The following TTC9 variants were observed in gnomAD, a reference collection of about 807,000 sequenced individuals.
TTC9 encodes the protein tetratricopeptide repeat protein 9A.
Under a neutral mutation model 22.9 loss-of-function variants are expected in TTC9, and 13 were observed. The ratio of observed to expected loss-of-function variants is 0.57; its 90% confidence interval spans 0.37 to 0.90. The LOEUF is 0.90. Among genes scored for constraint, TTC9 ranks in the 40% least tolerant of loss-of-function variants. TTC9 has a pLI of 0.01. For missense variants in TTC9, 280 were observed against 291.8 expected, an observed-to-expected ratio of 0.96 and a Z score of 0.29; for synonymous variants, 148 against 133.2, an observed-to-expected ratio of 1.11 and a Z score of -0.77.
At chr14:70,667,011 G>C (rs1253017707) in intron 1 of TTC9, among the ~76,000 whole-genome samples, 1 of 152,174 alleles carries the variant, frequency 6.6e-6, no homozygotes, top group Admixed American at 6.5e-5. Flanking sequence ...AGATCCAGGT[G>C]CTGGTGGGTT....
Position 70,642,440 on chromosome 14 carries a change from C to T in TTC9, c.311C>T (p.Ala104Val), listed in dbSNP as rs1451169134. Residue 104 changes from alanine (A) to valine (V), a missense_variant, in exon 1 of 3, where the codon GCC (alanine) becomes GTC (valine). Ala to Val is a moderately conservative substitution (Grantham distance 64). Coordinates refer to ENST00000256367, the MANE Select transcript of TTC9 (RefSeq NM_015351.2). ...GAACGGGAGCGGGACTCGCGCCCGGCCTCCCCGGCTGGGGCCCTGAAGCCC... is the reference window on the plus strand; with the variant it reads ...GAACGGGAGCGGGACTCGCGCCCGGTCTCCCCGGCTGGGGCCCTGAAGCCC... Reference protein sequence around the residue: ...PGERERDSRPASPAGALKPGR... With the variant: ...PGERERDSRPVSPAGALKPGR... 1 of 1,564,092 alleles carries T rather than the reference C, an allele frequency of 6.4e-7. No individual in the cohort carries two copies.
At chr14:70,667,849 A>G in intron 2 of TTC9, 103 bp downstream of exon 2, 1 of 1,150,990 alleles carries the variant, frequency 8.7e-7, no homozygotes, top group Non-Finnish European at 1.2e-6. Context: ...AGGCAGGGAC[A>G]GAGATGGCAA....
rs61046584 is a variant in TTC9, at chr14:70,654,587, C to CAAAAAAA, written c.406+12081_406+12087dup. ...CCTGGGCAACAGTAAGGCTCTGTCT[C>CAAAAAAA]AAAAAAAAAAAAAAAAAAAAAAAAA... On this transcript the variant is annotated intron_variant, in intron 1 of 2. Coordinates refer to ENST00000256367, the MANE Select transcript of TTC9 (RefSeq NM_015351.2). Among the ~76,000 whole-genome samples, 40 of 57,150 alleles carry CAAAAAAA rather than the reference C, an allele frequency of 7.0e-4. 1 individual carries two copies. Among genetic ancestry groups the CAAAAAAA allele is most frequent in the African/African-American group, 2.3e-3 (28 of 12,108 alleles). The allele number at this position is 57,150 out of a possible 152,430, so 37.5% of individuals were successfully genotyped here.
At chr14:70,655,702 C>T (rs1468747136) in intron 1 of TTC9, among the ~76,000 whole-genome samples, 3 of 152,156 alleles carry the variant, frequency 2.0e-5, no homozygotes, top group Non-Finnish European at 4.4e-5. Flanking sequence ...AGGGGCCACT[C>T]GACTTCCTGT....
intron 1 of TTC9, among the ~76,000 whole-genome samples, chr14:70,658,308 C>T (rs1782903808): frequency 6.6e-6 from 1 of 152,180 alleles, no homozygotes; most frequent in Admixed American, 6.5e-5. Context: ...GCCAGTTGGG[C>T]ATAACCACTG....
chr14:70,656,006 C>A (rs1886060029), intron 1 of TTC9, among the ~76,000 whole-genome samples: 1 of 152,062 alleles, frequency 6.6e-6, no homozygotes, highest in African/African-American at 2.4e-5. Context: ...ATTTCATATA[C>A]AAAGCAGTCT....
At chr14:70,645,361 G>A (rs759245031) in intron 1 of TTC9, among the ~76,000 whole-genome samples, 5 of 152,178 alleles carry the variant, frequency 3.3e-5, no homozygotes, top group Non-Finnish European at 7.3e-5. Flanking sequence ...ACCCACTGTG[G>A]TGTATTTCCT....
Position 70,675,220 on chromosome 14 carries a change from T to C in TTC9, c.*4065T>C, listed in dbSNP as rs951676647. On this transcript the variant is annotated 3_prime_UTR_variant, in exon 3 of 3. Coordinates refer to ENST00000256367, the MANE Select transcript of TTC9 (RefSeq NM_015351.2). ...CTTTGTGAATTTTCTATTTATTTGA[T>C]ATTGGTATGTTTATTATCAATTTGT... The C allele has an allele frequency of 3.9e-5, 6 of 152,250 alleles. No individual in the cohort carries two copies. Among genetic ancestry groups the C allele is most frequent in the Admixed American group, 2.0e-4 (3 of 15,290 alleles). 9.4% of individuals were successfully genotyped at this position (152,250 alleles called of 1,614,324 possible). A position where few individuals can be genotyped will look rare whatever the true frequency, so the allele number is the denominator to read the frequency against.
Position 70,671,277 on chromosome 14 carries a change from C to A in TTC9, c.*122C>A. On this transcript the variant is annotated 3_prime_UTR_variant, in exon 3 of 3. Transcript: ENST00000256367. ...CACTTCTTCTGGCTCCTCATTTTTC[C>A]TCCTGTTGCACCCCAGCTCTTTGTC... 1 of 787,016 alleles carries A rather than the reference C, an allele frequency of 1.3e-6. No individual in the cohort carries two copies. The highest frequency in any genetic ancestry group is 2.8e-5 in the East Asian group (1 of 35,150). 48.8% of individuals were successfully genotyped at this position (787,016 alleles called of 1,614,324 possible). A position where few individuals can be genotyped will look rare whatever the true frequency, so the allele number is the denominator to read the frequency against.
At chr14:70,668,621 CAGG>C (rs1213593682) in intron 2 of TTC9, among the ~76,000 whole-genome samples, 1 of 149,236 alleles carries the variant, frequency 6.7e-6, no homozygotes, top group Non-Finnish European at 1.5e-5. Flanking sequence ...GAACCCAAGG[CAGG>C]TGGATCGCTT....
chr14:70,642,485 A>G lies in TTC9; in HGVS notation c.356A>G (p.Gln119Arg). Residue 119 changes from glutamine (Q) to arginine (R), a missense_variant, in exon 1 of 3, where the codon CAG becomes CGG. Gln to Arg is a conservative substitution (Grantham distance 43). Coordinates refer to ENST00000256367, the MANE Select transcript of TTC9 (RefSeq NM_015351.2). Reference sequence around the variant, plus strand: ...AAGCCCGGCCGCCTCTCGGAGGAGCAGAGCAAGACGGTGGAAGCCATCGAG... The same window carrying G: ...AAGCCCGGCCGCCTCTCGGAGGAGCGGAGCAAGACGGTGGAAGCCATCGAG... ...ALKPGRLSEEQSKTVEAIEID... is the reference protein window; with the variant it reads ...ALKPGRLSEERSKTVEAIEID... 1 of 1,547,554 alleles carries G rather than the reference A, an allele frequency of 6.5e-7. No homozygotes were observed.
At chr14:70,663,710 TG>T (rs562109455) in intron 1 of TTC9, among the ~76,000 whole-genome samples, 4 of 145,412 alleles carry the variant, frequency 2.8e-5, no homozygotes, top group Non-Finnish European at 4.6e-5. Context: ...CCCAGGTGGG[TG>T]GGGGGGCGGG....
intron 1 of TTC9, among the ~76,000 whole-genome samples, chr14:70,665,673 T>G (rs1023560768): frequency 1.3e-5 from 2 of 152,226 alleles, no homozygotes; most frequent in Non-Finnish European, 2.9e-5. Flanking sequence ...TACCTTCATC[T>G]TGACAGTCTG....
chr14:70,670,850 C>G (rs1160438003), intron 2 of TTC9, among the ~76,000 whole-genome samples: 2 of 151,970 alleles, frequency 1.3e-5, no homozygotes, highest in African/African-American at 4.8e-5. Context: ...CATTCTCTCT[C>G]ACATCCCCTG....
intron 2 of TTC9, among the ~76,000 whole-genome samples, chr14:70,669,520 A>C (rs886289125): frequency 6.6e-6 from 1 of 150,430 alleles, no homozygotes; most frequent in South Asian, 2.1e-4. Flanking sequence ...GGCTCAAGCA[A>C]TCCTTCTGCC....
chr14:70,664,568 C>T (rs532796727), intron 1 of TTC9, among the ~76,000 whole-genome samples: 1 of 152,118 alleles, frequency 6.6e-6, no homozygotes, highest in South Asian at 2.1e-4. Context: ...TCTATTAAAA[C>T]TACAAAAATT....
At chr14:70,667,416 G>A (rs2066093148) in intron 1 of TTC9, 148 bp from the exon 2 acceptor site, 2 of 788,670 alleles carry the variant, frequency 2.5e-6, no homozygotes, top group Non-Finnish European at 4.0e-6. Context: ...GGTCAGGGAG[G>A]CTAGGATTAT....
intron 2 of TTC9, 111 bp downstream of exon 2, chr14:70,667,857 CA>C: frequency 9.7e-7 from 1 of 1,033,216 alleles, no homozygotes; most frequent in South Asian, 1.6e-5. Context: ...ACAGAGATGG[CA>C]AAATTAGGGA....
At chr14:70,645,671 G>A (rs1365761423) in intron 1 of TTC9, among the ~76,000 whole-genome samples, 2 of 152,198 alleles carry the variant, frequency 1.3e-5, no homozygotes, top group African/African-American at 4.8e-5. Flanking sequence ...TAAAAGGAAG[G>A]AGACCAGCAA....
Sources: gnomAD v4.1 joint callset for allele counts (sites outside exome capture counted in the v4.1 genomes callset) on GRCh38, gnomAD v4.1.1 for gene constraint, MANE v1.5 for transcripts, NCBI Gene and HGNC (gene_info 2026-07-23, HGNC 2026-07-21) for gene names.